ANK2: variants seen among roughly 807,000 people sequenced by gnomAD.
ANK2 encodes ankyrin 2.
In ANK2, 83 loss-of-function variants were observed where a neutral mutation model predicts 360.5. That is an observed-to-expected ratio of 0.23 (90% CI 0.19 to 0.28). ANK2 has a LOEUF of 0.28. Ranked by LOEUF, ANK2 falls within the 10% of genes least tolerant of loss-of-function variation. The probability of loss-of-function intolerance (pLI) is 1.00; values close to 1 mark genes in which losing one functional copy is unlikely to be tolerated. For synonymous variants in ANK2, 1,740 were observed against 1,759.5 expected (o/e 0.99, Z 0.28); for missense variants, 4,201 against 4,795.7 (o/e 0.88, Z 3.66).
rs960630915 is a variant in ANK2 at position 112,853,753 on chromosome 4, T to C, written c.-40+35489T>C. The stretch of plus-strand genomic sequence containing the variant: ...GTTGAGTCTTCCATTTTTACAAATA[T>C]TTTGGACAGTTAAGAATGGGGGAAA... On this transcript the variant is annotated intron_variant, in intron 1 of 30. Coordinates refer to the ANK2 transcript ENST00000503271. Among the ~76,000 whole-genome samples the C allele has an allele frequency of 2.6e-5, 4 of 152,170 alleles. No individual in the cohort carries two copies. In the East Asian group the frequency reaches 7.7e-4, roughly 29 times the overall value.
chr4:113,092,502 C>A (rs972111959), intron 1 of ANK2, among the ~76,000 whole-genome samples: 1 of 152,156 alleles, frequency 6.6e-6, no homozygotes, highest in Non-Finnish European at 1.5e-5. Flanking sequence ...ACAGATTATT[C>A]CTATGCACAC....
chr4:112,957,020 T>TTTTG (rs1364846122), intron 2 of ANK2, among the ~76,000 whole-genome samples: 259 of 146,212 alleles, frequency 1.8e-3, no homozygotes, highest in African/African-American at 6.2e-3. Context: ...TTTTTTTTTT[T>TTTTG]TTTTTTTTTT....
chr4:113,182,042 A>C (rs150522333), intron 2 of ANK2, among the ~76,000 whole-genome samples: 5 of 152,206 alleles, frequency 3.3e-5, no homozygotes, highest in Non-Finnish European at 5.9e-5. Flanking sequence ...TTTAGGTGAG[A>C]AGTGAGGTGT....
the ANK2 span, among the ~76,000 whole-genome samples, chr4:112,796,854 C>T: frequency 6.6e-6 from 1 of 152,096 alleles, no homozygotes; most frequent in East Asian, 1.9e-4. Flanking sequence ...CCATTTTTGA[C>T]ATTATTATAT....
At chr4:113,277,310 TGTTCTA>T (rs1180330580) in intron 15 of ANK2, among the ~76,000 whole-genome samples, 1 of 152,212 alleles carries the variant, frequency 6.6e-6, no homozygotes, top group Non-Finnish European at 1.5e-5. Context: ...ACATGTTTTT[TGTTCTA>T]TAGACCATTT....
chr4:113,292,442 C>T lies in ANK2; in HGVS notation c.2304C>T (p.Ala768=), dbSNP rs1386348948. 2 of 1,611,126 alleles carry T rather than the reference C, an allele frequency of 1.2e-6. No individual in the cohort carries two copies. The highest frequency in any genetic ancestry group is 1.3e-5 in the African/African-American group (1 of 74,858). Residue 768 remains alanine (A), a synonymous_variant, in exon 21 of 46, where the codon GCC becomes GCT. Transcript: ENST00000357077. ...TKNGYTPLHQ[A]AQQGHTHIIN... ...ACGGCTACACGCCTTTGCACCAGGC[C>T]GCTCAGCAGGGTCACACGCACATCA...
chr4:112,875,871 A>G (rs1306514813), intron 1 of ANK2, among the ~76,000 whole-genome samples: 1 of 151,326 alleles, frequency 6.6e-6, no homozygotes, highest in Non-Finnish European at 1.5e-5. Flanking sequence ...CCTCCCAAGT[A>G]GCTGAGACCA....
intron 1 of ANK2, among the ~76,000 whole-genome samples, chr4:113,162,076 G>A (rs2097557520): frequency 6.6e-6 from 1 of 152,072 alleles, no homozygotes; most frequent in Admixed American, 6.5e-5. Context: ...TCCAATTTTA[G>A]GGTATTCTGT....
chr4:112,748,418 G>A, the ANK2 span, among the ~76,000 whole-genome samples: 3 of 152,294 alleles, frequency 2.0e-5, no homozygotes, highest in South Asian at 6.2e-4. Flanking sequence ...AAGCCTAATG[G>A]AACATATTTC....
chr4:113,134,040 GGAA>G (rs2096242226), intron 1 of ANK2, among the ~76,000 whole-genome samples: 1 of 152,068 alleles, frequency 6.6e-6, no homozygotes, highest in Admixed American at 6.6e-5. Context: ...TAAGATTACA[GGAA>G]GAAGGACAGA....
At chr4:113,293,668 T>C (rs1329394318) in intron 22 of ANK2, 130 bp downstream of exon 22, 1 of 873,962 alleles carries the variant, frequency 1.1e-6, no homozygotes, top group Non-Finnish European at 1.8e-6. Context: ...TTGAAAGTAT[T>C]GTAGCACATA....
chr4:113,184,211 T>C (rs2098471021), intron 2 of ANK2, among the ~76,000 whole-genome samples: 12 of 151,280 alleles, frequency 7.9e-5, no homozygotes, highest in Admixed American at 7.2e-4. Context: ...AAAGGATCAG[T>C]GTGGGAGTTT....
At chr4:113,244,402 A>G (rs543619925) in intron 9 of ANK2, among the ~76,000 whole-genome samples, 1 of 152,320 alleles carries the variant, frequency 6.6e-6, no homozygotes, top group African/African-American at 2.4e-5. Context: ...TAAAAAACAA[A>G]AAAACAAAAA....
chr4:113,352,075 T>G (rs2095446302), intron 37 of ANK2, among the ~76,000 whole-genome samples: 1 of 152,192 alleles, frequency 6.6e-6, no homozygotes, highest in African/African-American at 2.4e-5. Context: ...CAGTAATGTT[T>G]TACATATCTG....
intron 1 of ANK2, among the ~76,000 whole-genome samples, chr4:112,873,092 A>G (rs1408372411): frequency 1.3e-5 from 2 of 152,108 alleles, no homozygotes; most frequent in Non-Finnish European, 2.9e-5. Flanking sequence ...CAATTTGAGT[A>G]ATTTGAATTT....
At chr4:112,916,536 A>G (rs1325405688) in intron 2 of ANK2, among the ~76,000 whole-genome samples, 1 of 152,234 alleles carries the variant, frequency 6.6e-6, no homozygotes, top group East Asian at 1.9e-4. Context: ...AAGTATTTCA[A>G]TGAAACATTT....
chr4:112,983,525 T>A (rs912343072), intron 2 of ANK2, among the ~76,000 whole-genome samples: 5 of 151,154 alleles, frequency 3.3e-5, no homozygotes, highest in Non-Finnish European at 7.4e-5. Flanking sequence ...AAAAAAAAAA[T>A]ACAAAATTAG....
At chr4:112,736,071 G>T in the ANK2 span, among the ~76,000 whole-genome samples, 26 of 152,272 alleles carry the variant, frequency 1.7e-4, no homozygotes, top group African/African-American at 4.3e-4. Flanking sequence ...AAACCCATCT[G>T]TGACAAGTGC....
At chr4:113,125,286 C>A (rs1240026985) in intron 1 of ANK2, among the ~76,000 whole-genome samples, 1 of 152,008 alleles carries the variant, frequency 6.6e-6, no homozygotes, top group Non-Finnish European at 1.5e-5. Context: ...TAATGTTAAC[C>A]TCACAAACAT....
Sources: allele counts gnomAD v4.1 joint callset (sites outside exome capture counted in the v4.1 genomes callset), GRCh38; gene constraint gnomAD v4.1.1; transcripts MANE v1.5; gene names NCBI Gene and HGNC (gene_info 2026-07-23, HGNC 2026-07-21).